The following LGR5 variants were observed in gnomAD, a reference collection of about 807,000 sequenced individuals.
LGR5 encodes leucine rich repeat containing G protein-coupled receptor 5.
Under a neutral mutation model 76.7 loss-of-function variants are expected in LGR5, and 54 were observed. The ratio of observed to expected loss-of-function variants is 0.70; its 90% CI spans 0.57 to 0.88. The LOEUF is 0.88. Among genes scored for constraint, LGR5 ranks in the 40% least tolerant of loss-of-function variants. LGR5 has a pLI of 0.00. For synonymous variants in LGR5, 406 were observed against 421.9 expected, an observed-to-expected ratio of 0.96 and a Z score of 0.46; for missense variants, 1,078 against 1,073.3, an observed-to-expected ratio of 1.00 and a Z score of -0.06.
intron 4 of LGR5, among the ~76,000 whole-genome samples, chr12:71,552,223 C>T (rs1168581176): frequency 2.0e-5 from 3 of 152,098 alleles, no homozygotes; most frequent in African/African-American, 7.2e-5. Flanking sequence ...GCATGTTCTG[C>T]ACGTGTATCC....
intron 7 of LGR5, among the ~76,000 whole-genome samples, chr12:71,561,038 G>A (rs933837409): frequency 6.6e-6 from 1 of 152,102 alleles, no homozygotes; most frequent in African/African-American, 2.4e-5. Context: ...ACTTGGAAAG[G>A]AAAATAAACA....
At chr12:71,541,960 C>T (rs1428757465) in intron 4 of LGR5, among the ~76,000 whole-genome samples, 1 of 152,130 alleles carries the variant, frequency 6.6e-6, no homozygotes, top group East Asian at 1.9e-4. Context: ...AACAGAAACA[C>T]ATATTATACC....
chr12:71,574,520 A>G (rs949684119), intron 13 of LGR5, among the ~76,000 whole-genome samples: 3 of 152,034 alleles, frequency 2.0e-5, no homozygotes, highest in Non-Finnish European at 4.4e-5. Context: ...CCTCCCAACC[A>G]GTCCTTCTAT....
At chr12:71,473,741 A>G (rs1025801259) in intron 1 of LGR5, among the ~76,000 whole-genome samples, 1 of 152,134 alleles carries the variant, frequency 6.6e-6, no homozygotes, top group African/African-American at 2.4e-5. Context: ...TCAATTTACC[A>G]GATTACTAGT....
At chr12:71,491,750 T>G (rs1874085412) in intron 1 of LGR5, among the ~76,000 whole-genome samples, 1 of 149,284 alleles carries the variant, frequency 6.7e-6, no homozygotes, top group African/African-American at 2.5e-5. Flanking sequence ...GCTCTTCTTA[T>G]CAAGTGAAAT....
intron 1 of LGR5, among the ~76,000 whole-genome samples, chr12:71,496,369 A>AC: frequency 1.6e-5 from 1 of 61,616 alleles, no homozygotes; most frequent in African/African-American, 5.6e-5. Context: ...CTCCATCTCA[A>AC]CAAAAAAAAA....
intron 1 of LGR5, among the ~76,000 whole-genome samples, chr12:71,457,877 T>C (rs751836070): frequency 1.3e-5 from 2 of 152,144 alleles, no homozygotes; most frequent in South Asian, 4.1e-4. Flanking sequence ...CAGCTTGGGA[T>C]CCTACAATCC....
intron 3 of LGR5, among the ~76,000 whole-genome samples, chr12:71,531,584 T>C (rs1876310828): frequency 6.6e-6 from 1 of 152,152 alleles, no homozygotes; most frequent in African/African-American, 2.4e-5. Context: ...AAAGTTATCA[T>C]CGGTCAGGTG....
rs143322767 is a variant in LGR5 at position 71,462,508 on chromosome 12, TC to T, written c.212+22221del. 9.4e-3 allele frequency among the ~76,000 whole-genome samples: 1,438 copies of T among 152,206 alleles called. 9 individuals are homozygous for T. The highest frequency in any genetic ancestry group is 0.015 in the Non-Finnish European group (989 of 67,996). On this transcript the variant is annotated intron_variant, in intron 1 of 17. Transcript: ENST00000266674. ...TTTTTCTAACCTATTTCTGCTTTCC[TC>T]CCCCTGTCTTTGCTCTCACCAGTTT...
chr12:71,539,795 C>T (rs1565734628), intron 4 of LGR5, among the ~76,000 whole-genome samples: 1 of 152,090 alleles, frequency 6.6e-6, no homozygotes, highest in Non-Finnish European at 1.5e-5. Context: ...GTTCTTTTAA[C>T]TCTTCTGATG....
intron 1 of LGR5, among the ~76,000 whole-genome samples, chr12:71,500,794 G>A (rs1458038542): frequency 1.3e-5 from 2 of 151,972 alleles, no homozygotes; most frequent in Non-Finnish European, 2.9e-5. Context: ...TCCTGGGTTG[G>A]TTCCTATATA....
At chr12:71,449,516 A>G (rs1872163853) in intron 1 of LGR5, among the ~76,000 whole-genome samples, 1 of 152,192 alleles carries the variant, frequency 6.6e-6, no homozygotes, top group Non-Finnish European at 1.5e-5. Context: ...TAAAAGGTCT[A>G]GCGGCATGAT....
Position 71,584,283 on chromosome 12 carries a change from A to T in LGR5, c.2273A>T (p.Asn758Ile). 6.2e-7 allele frequency: 1 copy of T among 1,614,182 alleles called. No homozygotes were observed. The highest frequency in any genetic ancestry group is 8.5e-7 in the Non-Finnish European group (1 of 1,180,024). ...AATTTGGACAAGGGAGACCTGGAGAATATTTGGGACTGCTCTATGGTAAAA... is the reference window on the plus strand; with the variant it reads ...AATTTGGACAAGGGAGACCTGGAGATTATTTGGGACTGCTCTATGGTAAAA... Reference protein sequence around the residue: ...YCNLDKGDLENIWDCSMVKHI... With the variant: ...YCNLDKGDLEIIWDCSMVKHI... Residue 758 changes from asparagine to isoleucine, a missense_variant, in exon 18 of 18, where the codon AAT becomes ATT. Asn to Ile is a moderately radical substitution (Grantham distance 149). Coordinates refer to ENST00000266674, the MANE Select transcript of LGR5 (RefSeq NM_003667.4).
intron 1 of LGR5, among the ~76,000 whole-genome samples, chr12:71,465,342 A>T (rs1472396731): frequency 2.0e-5 from 3 of 152,196 alleles, no homozygotes; most frequent in Non-Finnish European, 4.4e-5. Context: ...TGCTACTCTG[A>T]AAATGGCCAA....
At chr12:71,488,612 T>C (rs888551004) in intron 1 of LGR5, among the ~76,000 whole-genome samples, 26 of 152,194 alleles carry the variant, frequency 1.7e-4, no homozygotes, top group South Asian at 1.0e-3. Flanking sequence ...TTTTGCAGCA[T>C]TGATTTATAT....
intron 2 of LGR5, among the ~76,000 whole-genome samples, chr12:71,513,553 ACCTC>A (rs1341189214): frequency 2.6e-5 from 4 of 152,182 alleles, no homozygotes; most frequent in African/African-American, 9.6e-5. Context: ...TGAGCAAATA[ACCTC>A]CCTTTGGCCC....
In LGR5 at chr12:71,566,680, A is replaced by G; in HGVS notation, c.978A>G (p.Gly326=). The G allele has an allele frequency of 6.2e-7, 1 of 1,613,604 alleles. No homozygotes were observed. Among genetic ancestry groups the G allele is most frequent in the Non-Finnish European group, 8.5e-7 (1 of 1,179,564 alleles). The part of the protein sequence containing the change: ...SQITEFPDLT[G]TANLESLTLT... ...TAACTGAATTTCCTGATTTAACTGG[A>G]ACTGCAAACCTGGAGAGTCTGTAAG... Residue 326 remains glycine (G), a synonymous_variant, in exon 10 of 18, where the codon GGA becomes GGG. Transcript: ENST00000266674.
chr12:71,473,494 C>T (rs1005104538), intron 1 of LGR5, among the ~76,000 whole-genome samples: 3 of 151,944 alleles, frequency 2.0e-5, no homozygotes, highest in Admixed American at 2.0e-4. Context: ...AATTTTAAGT[C>T]GGGGCATAAT....
intron 4 of LGR5, among the ~76,000 whole-genome samples, chr12:71,544,316 C>CTTTTTTTTTTTTTTTTTTTTT (rs5799045): frequency 2.9e-5 from 1 of 34,866 alleles, no homozygotes; most frequent in East Asian, 7.6e-4. Flanking sequence ...TCTTCTTCTT[C>CTTTTTTTTTTTTTTTTTTTTT]TTTTTTTTTT....
Sources: gnomAD v4.1 joint callset for allele counts (sites outside exome capture counted in the v4.1 genomes callset) on GRCh38, gnomAD v4.1.1 for gene constraint, MANE v1.5 for transcripts, NCBI Gene and HGNC (gene_info 2026-07-23, HGNC 2026-07-21) for gene names.